Variants in CTSD observed in about 807,000 individuals in gnomAD.
The protein encoded by CTSD is cathepsin D, also known as ceroid-lipofuscinosis, neuronal 10.
Under a neutral mutation model 43.6 loss-of-function variants are expected in CTSD, and 28 were observed. The ratio of observed to expected loss-of-function variants is 0.64; its 90% CI spans 0.48 to 0.88. The LOEUF is 0.88. CTSD is among the 40% of genes least tolerant of loss of function. The pLI is 0.00. For synonymous variants in CTSD, 270 were observed against 249.8 expected (o/e 1.08, Z -0.76); for missense variants, 485 against 555.2 (o/e 0.87, Z 1.27).
In CTSD at chr11:1,761,308, C is replaced by G. The variant is rs766300396; in HGVS notation, c.228+1G>C. The stretch of plus-strand genomic sequence containing the variant: ...CAGCAGGGCTAAGACCTCATACTCA[C>G]GTCCATGTAGTTCTTGAGCACCTCG... On this transcript the variant is annotated splice_donor_variant, in intron 2 of 8. Coordinates refer to ENST00000236671, the MANE Select transcript of CTSD (RefSeq NM_001909.5). LOFTEE classifies it high-confidence loss of function. The G allele has an allele frequency of 1.2e-6, 2 of 1,613,712 alleles. No individual in the cohort carries two copies. Among genetic ancestry groups the G allele is most frequent in the Non-Finnish European group, 1.7e-6 (2 of 1,179,990 alleles).
chr11:1,762,668 G>A (rs1178370613), intron 1 of CTSD, among the ~76,000 whole-genome samples: 2 of 152,154 alleles, frequency 1.3e-5, no homozygotes, highest in Non-Finnish European at 2.9e-5. Context: ...TCGGGTGAGG[G>A]CTTGGATTCA....
intron 2 of CTSD, among the ~76,000 whole-genome samples, chr11:1,760,106 C>T (rs1446540220): frequency 1.3e-5 from 2 of 152,234 alleles, no homozygotes; most frequent in Non-Finnish European, 2.9e-5. Flanking sequence ...CTGGGTGTCT[C>T]AGTGCCTGCC....
rs376019417 is a variant in CTSD, at chr11:1,753,688, G to A, written c.1072-18C>T. On this transcript the variant is annotated intron_variant, in intron 8 of 8. Coordinates refer to ENST00000236671, the MANE Select transcript of CTSD (RefSeq NM_001909.5). Reference sequence around the variant, plus strand: ...TGCGACACCTGGGACGGCCCTGGTGGTCAGTACCCAGGCCTAGCACCACCC... The same window carrying A: ...TGCGACACCTGGGACGGCCCTGGTGATCAGTACCCAGGCCTAGCACCACCC... The A allele has an allele frequency of 6.2e-7, 1 of 1,612,324 alleles. No individual in the cohort carries two copies. The highest frequency in any genetic ancestry group is 1.3e-5 in the African/African-American group (1 of 75,008).
chr11:1,753,958 C>T, intron 7 of CTSD, 36 bp downstream of exon 7: 2 of 1,594,768 alleles, frequency 1.3e-6, no homozygotes, highest in Non-Finnish European at 1.7e-6. Context: ...GCTCCCCCTG[C>T]CAGCCCCAGC....
chr11:1,762,519 G>C (rs1346401659), intron 1 of CTSD: 2 of 152,266 alleles, frequency 1.3e-5, no homozygotes, highest in Non-Finnish European at 2.9e-5. Context: ...TGGCTTGTCA[G>C]GGGCGTGATC....
rs966384828 is a variant in CTSD, at chr11:1,759,223, C to G, written c.353-136G>C. 4 of 886,438 alleles carry G rather than the reference C, an allele frequency of 4.5e-6. No individual in the cohort carries two copies. In the African/African-American group the frequency reaches 4.9e-5, roughly 11 times the overall value. 54.9% of individuals were successfully genotyped at this position (886,438 alleles called of 1,614,324 possible). A position where few individuals can be genotyped will look rare whatever the true frequency, so the allele number is the denominator to read the frequency against. ...CCCCAGGGTGGGATTTGGAGGGGAT[C>G]TGAGGCCCACCATCATGCCAGAGCC... On this transcript the variant is annotated intron_variant, in intron 3 of 8. Transcript: ENST00000236671.
chr11:1,763,703 C>T, intron 1 of CTSD, 89 bp downstream of exon 1: 1 of 1,270,334 alleles, frequency 7.9e-7, no homozygotes, highest in Non-Finnish European at 1.1e-6. Context: ...TCGTGGGGGC[C>T]ACAGGGGAGC....
At chr11:1,754,736 T>TGGAGGGGCAA (rs533884513) in intron 6 of CTSD, among the ~76,000 whole-genome samples, 170 bp downstream of exon 6, 2 of 144,762 alleles carry the variant, frequency 1.4e-5, no homozygotes, top group Non-Finnish European at 3.0e-5. Flanking sequence ...ATGGGGAGCA[T>TGGAGGGGCAA]GGAGGGGCAA....
intron 4 of CTSD, 59 bp downstream of exon 4, chr11:1,758,910 T>G: frequency 8.1e-7 from 1 of 1,231,860 alleles, no homozygotes; most frequent in Non-Finnish European, 1.2e-6. Flanking sequence ...ATACCCACGG[T>G]GGGTGAACCC....
chr11:1,759,116 G>A (rs762442628), intron 3 of CTSD, 29 bp from the exon 4 acceptor site: 1 of 1,518,106 alleles, frequency 6.6e-7, no homozygotes, highest in Admixed American at 1.7e-5. Context: ...GGGCCCGCCG[G>A]TCATCCCGCA....
rs1378061411 is a variant in CTSD at position 1,754,032 on chromosome 11, G to A, written c.934C>T (p.Gln312Ter). The change falls in exon 7 of 9, where the codon CAG (glutamine) becomes TAG (stop). Residue 312 changes from glutamine (Q) to a stop codon, truncating the protein, a stop_gained. Coordinates refer to ENST00000236671, the MANE Select transcript of CTSD (RefSeq NM_001909.5). LOFTEE classifies it high-confidence loss of function. ...AGCGGCACGGCCCCGATGGCCTTCT[G>A]CAGCTCGCGCACCTCATCCACCGGG... ...VGPVDEVREL[Q>*]KAIGAVPLIQ... is the part of the protein sequence containing the mutation. The A allele has an allele frequency of 2.5e-6, 4 of 1,609,992 alleles. No individual in the cohort carries two copies. The highest frequency in any genetic ancestry group is 3.4e-6 in the Non-Finnish European group (4 of 1,179,026).
In CTSD at chr11:1,759,620, A is replaced by G. The variant is rs776022917; in HGVS notation, c.248T>C (p.Ile83Thr). 1 of 1,613,190 alleles carries G rather than the reference A, an allele frequency of 6.2e-7. No homozygotes were observed. Among genetic ancestry groups the G allele is most frequent in the African/African-American group, 1.3e-5 (1 of 74,926 alleles). ...GCACTGGGGGGGCGTCCCGATGCCAATCTCCCCGTAGTACTGGGCCTGGCA... is the reference window on the plus strand; with the variant it reads ...GCACTGGGGGGGCGTCCCGATGCCAGTCTCCCCGTAGTACTGGGCCTGGCA... ...NYMDAQYYGE[I>T]GIGTPPQCFT... The change falls in exon 3 of 9, where the codon ATT becomes ACT. Residue 83 changes from isoleucine (I) to threonine (T), a missense_variant. Ile to Thr is a moderately conservative substitution (Grantham distance 89). Transcript: ENST00000236671.
In CTSD at chr11:1,753,438, G is replaced by A; in HGVS notation, c.*65C>T. The A allele has an allele frequency of 1.3e-6, 2 of 1,593,856 alleles. No individual in the cohort carries two copies. Among genetic ancestry groups the A allele is most frequent in the Non-Finnish European group, 1.7e-6 (2 of 1,163,142 alleles). ...TGGGTGTGTGTGGGAGGGGCCGCTG[G>A]GCCAGGGGCCTCCTGCTCTGGGACT... On this transcript the variant is annotated 3_prime_UTR_variant, in exon 9 of 9. Transcript: ENST00000236671.
chr11:1,754,422 GGGGCATGGA>G (rs1845773780), intron 6 of CTSD, among the ~76,000 whole-genome samples: 1 of 139,546 alleles, frequency 7.2e-6, no homozygotes, highest in Non-Finnish European at 1.6e-5. Flanking sequence ...AAGGGATGGA[GGGGCATGGA>G]GGGATGGAGG....
At position 1,753,459 on chromosome 11, in the gene CTSD, G is replaced by C. The variant is rs767077444; in HGVS notation, c.*44C>G. ...GCTGGGCCAGGGGCCTCCTGCTCTG[G>C]GACTCTCCTCTGTTTCTGTGCTGGC... On this transcript the variant is annotated 3_prime_UTR_variant, in exon 9 of 9. Transcript: ENST00000236671. The C allele has an allele frequency of 1.4e-5, 22 of 1,611,236 alleles. No homozygotes were observed. Among genetic ancestry groups the C allele is most frequent in the Non-Finnish European group, 1.8e-5 (21 of 1,178,536 alleles).
chr11:1,753,959 C>G (rs766136679), intron 7 of CTSD, 35 bp downstream of exon 7: 4 of 1,596,212 alleles, frequency 2.5e-6, no homozygotes, highest in Non-Finnish European at 3.4e-6. Context: ...CTCCCCCTGC[C>G]AGCCCCAGCC....
chr11:1,762,645 A>C (rs1845896076), intron 1 of CTSD, among the ~76,000 whole-genome samples: 1 of 152,172 alleles, frequency 6.6e-6, no homozygotes. Flanking sequence ...TATCAGTCGC[A>C]CAAGAGCTGG....
chr11:1,759,494 G>C (rs1340014280), intron 3 of CTSD, 22 bp downstream of exon 3: 3 of 1,612,550 alleles, frequency 1.9e-6, no homozygotes, highest in Non-Finnish European at 2.5e-6. Context: ...CCTGGGCGAC[G>C]GGGCCAGGGT....
chr11:1,762,408 C>T (rs1312299640), intron 1 of CTSD: 1 of 152,296 alleles, frequency 6.6e-6, no homozygotes, highest in African/African-American at 2.4e-5. Context: ...TGTGAACCCA[C>T]TCCTTGTTCC....
Sources: gnomAD v4.1 joint callset for allele counts (sites outside exome capture counted in the v4.1 genomes callset) on GRCh38, gnomAD v4.1.1 for gene constraint, MANE v1.5 for transcripts, NCBI Gene and HGNC (gene_info 2026-07-23, HGNC 2026-07-21) for gene names.